Variants in ZCRB1 observed in about 807,000 individuals in gnomAD.
ZCRB1 encodes zinc finger CCHC-type and RNA binding motif containing 1.
A neutral mutation model predicts 29.9 loss-of-function variants in ZCRB1; 21 were observed. The ratio of observed to expected loss-of-function variants is 0.70; its 90% CI spans 0.50 to 1.01. The LOEUF is 1.01. ZCRB1 is among the 50% of genes least tolerant of loss of function. ZCRB1 has a pLI of 0.00. For missense variants in ZCRB1, 204 were observed against 253.3 expected (o/e 0.81, Z 1.32); for synonymous variants, 77 against 80.0 (o/e 0.96, Z 0.20).
chr12:42,320,448 T>C lies in ZCRB1; in HGVS notation c.113+1970A>G, dbSNP rs1045083300. Among the ~76,000 whole-genome samples the C allele has an allele frequency of 2.1e-4, 32 of 152,146 alleles. 1 individual carries two copies. The highest frequency in any genetic ancestry group is 6.5e-4 in the African/African-American group (27 of 41,416). ...AGACTGGTCTCACTGCATTTGCTTT[T>C]TTCTTTTTTTTGCGATGGGGTCTTG... On this transcript the variant is annotated intron_variant, in intron 3 of 7. Transcript: ENST00000266529.
chr12:42,313,349 G>T, intron 7 of ZCRB1, 151 bp from the exon 8 acceptor site: 1 of 857,502 alleles, frequency 1.2e-6, no homozygotes, highest in Non-Finnish European at 1.7e-6. Context: ...CTTCCCCTGA[G>T]TTCTGTCTCA....
In ZCRB1 at chr12:42,324,996, G is replaced by A. The variant is rs1273908159; in HGVS notation, c.-2-892C>T. Among the ~76,000 whole-genome samples, 5 of 152,222 alleles carry A rather than the reference G, an allele frequency of 3.3e-5. No homozygotes were observed. The East Asian group carries it at 9.6e-4, about 29-fold the overall frequency. On this transcript the variant is annotated intron_variant, in intron 1 of 7. Coordinates refer to ENST00000266529, the MANE Select transcript of ZCRB1 (RefSeq NM_033114.4). Reference sequence around the variant, plus strand: ...GATTTCACAGTGCAGACATCACAGGGTGTACTGAGACAAACCTAGATGGTC... The same window carrying A: ...GATTTCACAGTGCAGACATCACAGGATGTACTGAGACAAACCTAGATGGTC...
In ZCRB1 at chr12:42,326,087, G is replaced by C. The variant is rs922367076; in HGVS notation, c.-166C>G. On this transcript the variant is annotated 5_prime_UTR_variant, in exon 1 of 8. Transcript: ENST00000266529. Reference sequence around the variant, plus strand: ...AATAGCAGCCACGGTGCTTCTTCCCGACTGTTTGAGATCCGGGCCCCGAAG... The same window carrying C: ...AATAGCAGCCACGGTGCTTCTTCCCCACTGTTTGAGATCCGGGCCCCGAAG... The C allele has an allele frequency of 2.6e-5, 4 of 152,294 alleles. No individual in the cohort carries two copies. The highest frequency in any genetic ancestry group is 9.6e-5 in the African/African-American group (4 of 41,466). 9.4% of individuals were successfully genotyped at this position (152,294 alleles called of 1,614,324 possible).
At chr12:42,322,568 T>C in intron 2 of ZCRB1, 122 bp from the exon 3 acceptor site, 1 of 1,065,168 alleles carries the variant, frequency 9.4e-7, no homozygotes, top group Non-Finnish European at 1.3e-6. Flanking sequence ...CTTCAGTCTA[T>C]AAGACAGGCC....
chr12:42,317,662 G>A lies in ZCRB1; in HGVS notation c.225+125C>T, dbSNP rs1237678570. ...AGTTTGACCTCTTTTCTTTCTATAA[G>A]TTAGATATCTTAAGAATCTACTGAT... On this transcript the variant is annotated intron_variant, in intron 4 of 7. Transcript: ENST00000266529. 4 of 873,188 alleles carry A rather than the reference G, an allele frequency of 4.6e-6. No homozygotes were observed. In the African/African-American group the frequency reaches 6.8e-5, roughly 15 times the overall value. 54.1% of individuals were successfully genotyped at this position (873,188 alleles called of 1,614,324 possible).
At position 42,316,022 on chromosome 12, in the gene ZCRB1, G is replaced by A. The variant is rs148687217; in HGVS notation, c.333+1318C>T. On this transcript the variant is annotated intron_variant, in intron 5 of 7. Coordinates refer to ENST00000266529, the MANE Select transcript of ZCRB1 (RefSeq NM_033114.4). The stretch of plus-strand genomic sequence containing the variant: ...TTCCATGTGATTTTGTAGCCAGGAC[G>A]GTATCTTTCAGTGATTCTCTCCCCA... Among the ~76,000 whole-genome samples the A allele has an allele frequency of 6.3e-4, 96 of 152,038 alleles. 1 individual carries two copies. Among genetic ancestry groups the A allele is most frequent in the Non-Finnish European group, 1.1e-3 (73 of 67,990 alleles).
intron 5 of ZCRB1, among the ~76,000 whole-genome samples, chr12:42,316,875 T>C (rs183127037): frequency 7.9e-4 from 121 of 152,290 alleles, no homozygotes; most frequent in African/African-American, 2.7e-3. Context: ...TCTTTACACA[T>C]TGCATTTCAA....
chr12:42,315,075 T>C (rs1033343489), intron 5 of ZCRB1, among the ~76,000 whole-genome samples: 6 of 152,248 alleles, frequency 3.9e-5, no homozygotes, highest in Non-Finnish European at 2.9e-5. Flanking sequence ...CAGTAGTCAC[T>C]AGCCAGCCAA....
At position 42,317,999 on chromosome 12, in the gene ZCRB1, T is replaced by C. The variant is rs775283823; in HGVS notation, c.114-101A>G. 106 of 873,776 alleles carry C rather than the reference T, an allele frequency of 1.2e-4. 2 individuals carry two copies. Among genetic ancestry groups the C allele is most frequent in the Non-Finnish European group, 1.8e-4 (101 of 574,688 alleles). 54.1% of individuals were successfully genotyped at this position (873,776 alleles called of 1,614,324 possible). A position where few individuals can be genotyped will look rare whatever the true frequency, so the allele number is the denominator to read the frequency against. ...TAAAAAGGGCTAAAAATTTATAAGA[T>C]AAATTAATACATTTGAAAAATCAGC... On this transcript the variant is annotated intron_variant, in intron 3 of 7. Coordinates refer to ENST00000266529, the MANE Select transcript of ZCRB1 (RefSeq NM_033114.4).
chr12:42,314,166 A>G (rs1207141047), intron 5 of ZCRB1, among the ~76,000 whole-genome samples, 180 bp from the exon 6 acceptor site: 1 of 152,132 alleles, frequency 6.6e-6, no homozygotes, highest in Non-Finnish European at 1.5e-5. Flanking sequence ...AGGTGATATT[A>G]TAACTCTCAG....
chr12:42,321,960 AAT>A (rs1459574546), intron 3 of ZCRB1, among the ~76,000 whole-genome samples: 4 of 152,212 alleles, frequency 2.6e-5, no homozygotes, highest in Non-Finnish European at 4.4e-5. Flanking sequence ...GAAGGAAGAT[AAT>A]ATGTTTTCTA....
In ZCRB1 at chr12:42,312,922, A is replaced by G; in HGVS notation, c.*145T>C. On this transcript the variant is annotated 3_prime_UTR_variant, in exon 8 of 8. Transcript: ENST00000266529. ...AAAGCCCTTATAATGAACTTTTCAA[A>G]TAAATTTTTAAAATATCTTTTTTCT... is the stretch of plus-strand genomic sequence containing the variant. The G allele has an allele frequency of 1.1e-6, 1 of 919,674 alleles. No individual in the cohort carries two copies. Among genetic ancestry groups the G allele is most frequent in the South Asian group, 4.7e-5 (1 of 21,212 alleles). 57.0% of individuals were successfully genotyped at this position (919,674 alleles called of 1,614,324 possible).
At chr12:42,320,637 G>A (rs1237066683) in intron 3 of ZCRB1, among the ~76,000 whole-genome samples, 3 of 151,836 alleles carry the variant, frequency 2.0e-5, no homozygotes, top group African/African-American at 4.8e-5. Context: ...TTGTAGAGAT[G>A]GGGTTTCTCC....
rs2068579780 is a variant in ZCRB1, at chr12:42,313,639, A to G, written c.522+51T>C. ...GTGATCAATGAAGTAAGCAAGCACT[A>G]TAAACCAAGTCAACTATTGTATGAT... On this transcript the variant is annotated intron_variant, in intron 7 of 7. Transcript: ENST00000266529. 2.5e-6 allele frequency: 4 copies of G among 1,592,164 alleles called. No homozygotes were observed. In the African/African-American group the frequency reaches 4.0e-5, roughly 16 times the overall value.
intron 7 of ZCRB1, 71 bp from the exon 8 acceptor site, chr12:42,313,269 T>C (rs2068578312): frequency 8.0e-6 from 12 of 1,498,706 alleles, no homozygotes; most frequent in African/African-American, 1.4e-5. Flanking sequence ...ATTCAAAACA[T>C]GGCAAAAACA....
intron 3 of ZCRB1, among the ~76,000 whole-genome samples, chr12:42,318,164 T>C (rs2068604010): frequency 6.6e-6 from 1 of 152,198 alleles, no homozygotes; most frequent in African/African-American, 2.4e-5. Context: ...CAATGAAATC[T>C]TAAAGTGTAA....
Position 42,324,023 on chromosome 12 carries a change from T to G in ZCRB1, c.80A>C (p.Tyr27Ser). The G allele has an allele frequency of 6.2e-7, 1 of 1,613,668 alleles. No homozygotes were observed. The highest frequency in any genetic ancestry group is 8.5e-7 in the Non-Finnish European group (1 of 1,179,588). Residue 27 changes from tyrosine to serine, a missense_variant, in exon 2 of 8, where the codon TAC (tyrosine) becomes TCC (serine). By Grantham distance (144) the Tyr-to-Ser change is moderately radical. Transcript: ENST00000266529. ...CACTCGATAAGATTTACTTACCCGG[T>G]ACAAGTCATTGTTTGTCAGGGAAAA... ...LPFSLTNNDLYRIFSKYGKVV... is the reference protein window; with the variant it reads ...LPFSLTNNDLSRIFSKYGKVV...
Position 42,324,008 on chromosome 12 carries a change from G to A in ZCRB1, c.84+11C>T, listed in dbSNP as rs1227207381. The A allele has an allele frequency of 6.2e-7, 1 of 1,609,432 alleles. No individual in the cohort carries two copies. Among genetic ancestry groups the A allele is most frequent in the Admixed American group, 1.7e-5 (1 of 59,990 alleles). On this transcript the variant is annotated intron_variant, in intron 2 of 7. Coordinates refer to ENST00000266529, the MANE Select transcript of ZCRB1 (RefSeq NM_033114.4). Reference sequence around the variant, plus strand: ...ATCTCAAATAGCAGTCACTCGATAAGATTTACTTACCCGGTACAAGTCATT... The same window carrying A: ...ATCTCAAATAGCAGTCACTCGATAAAATTTACTTACCCGGTACAAGTCATT...
intron 4 of ZCRB1, 41 bp from the exon 5 acceptor site, chr12:42,317,488 GA>G: frequency 7.0e-7 from 1 of 1,436,010 alleles, no homozygotes; most frequent in South Asian, 1.2e-5. Flanking sequence ...GTATTTCACT[GA>G]AACCTAAAAT....
Sources: allele counts gnomAD v4.1 joint callset (sites outside exome capture counted in the v4.1 genomes callset), GRCh38; gene constraint gnomAD v4.1.1; transcripts MANE v1.5; gene names NCBI Gene and HGNC (gene_info 2026-07-23, HGNC 2026-07-21).